The following DNM3 variants were observed in gnomAD, a reference collection of about 807,000 sequenced individuals.
DNM3 encodes the protein dynamin 3, also known as dynamin-3.
A neutral mutation model predicts 101.6 loss-of-function variants in DNM3; 47 were observed. That is an observed-to-expected ratio of 0.46 (90% CI 0.37 to 0.59). The LOEUF (loss-of-function observed/expected upper bound fraction) is 0.59. DNM3 is among the 20% of genes least tolerant of loss of function. The pLI, the probability that DNM3 is intolerant of heterozygous loss-of-function variation, is 0.00. For missense variants in DNM3, 849 were observed against 1,085.7 expected (o/e 0.78, Z 3.06); for synonymous variants, 385 against 387.9 (o/e 0.99, Z 0.09).
chr1:172,189,923 G>A (rs1056352145), intron 14 of DNM3, among the ~76,000 whole-genome samples: 1 of 151,698 alleles, frequency 6.6e-6, no homozygotes, highest in Non-Finnish European at 1.5e-5. Context: ...TCACCAAAAG[G>A]ATAGTGCTAA....
chr1:172,406,570 TG>T (rs1221451991), intron 20 of DNM3, among the ~76,000 whole-genome samples: 1 of 152,066 alleles, frequency 6.6e-6, no homozygotes, highest in African/African-American at 2.4e-5. Context: ...TATGAGTTTG[TG>T]CCTAAATAGT....
chr1:171,854,206 T>C (rs1006018222), intron 1 of DNM3, among the ~76,000 whole-genome samples: 2 of 152,226 alleles, frequency 1.3e-5, no homozygotes, highest in African/African-American at 4.8e-5. Context: ...CCTGACTCCC[T>C]GGGTTCACAT....
At chr1:171,879,142 A>C (rs1169446489) in intron 1 of DNM3, among the ~76,000 whole-genome samples, 1 of 152,216 alleles carries the variant, frequency 6.6e-6, no homozygotes, top group East Asian at 1.9e-4. Context: ...GCTCACACTC[A>C]GTAAAACTAA....
chr1:172,377,705 T>G (rs2068683741), intron 17 of DNM3, among the ~76,000 whole-genome samples: 1 of 151,734 alleles, frequency 6.6e-6, no homozygotes, highest in Non-Finnish European at 1.5e-5. Context: ...CTAAATGCAC[T>G]GGAGCCTCAG....
At chr1:171,906,482 C>A (rs1421741790) in intron 1 of DNM3, among the ~76,000 whole-genome samples, 2 of 151,794 alleles carry the variant, frequency 1.3e-5, no homozygotes, top group African/African-American at 2.4e-5. Flanking sequence ...TTGATTCCTT[C>A]CTTATAATAG....
intron 14 of DNM3, among the ~76,000 whole-genome samples, chr1:172,146,947 A>G (rs982071403): frequency 3.3e-5 from 5 of 152,144 alleles, no homozygotes; most frequent in African/African-American, 7.2e-5. Context: ...CAATATTTCC[A>G]TCAAGTGACT....
At chr1:172,207,770 G>A (rs1242031501) in intron 14 of DNM3, among the ~76,000 whole-genome samples, 1 of 151,992 alleles carries the variant, frequency 6.6e-6, no homozygotes, top group East Asian at 1.9e-4. Context: ...AAACAGTGTT[G>A]AGTTTGTTTT....
chr1:172,027,455 C>T (rs2048287040), intron 4 of DNM3, among the ~76,000 whole-genome samples: 1 of 152,144 alleles, frequency 6.6e-6, no homozygotes, highest in Middle Eastern at 3.4e-3. Context: ...GTGGCATGCG[C>T]ACATAGTCCC....
chr1:172,358,927 G>A (rs980388930), intron 17 of DNM3, among the ~76,000 whole-genome samples: 1 of 151,722 alleles, frequency 6.6e-6, no homozygotes, highest in African/African-American at 2.4e-5. Context: ...CAGAGTAGTC[G>A]GTATGATTTC....
chr1:171,952,403 C>T (rs2042587066), intron 2 of DNM3, among the ~76,000 whole-genome samples: 1 of 152,130 alleles, frequency 6.6e-6, no homozygotes, highest in African/African-American at 2.4e-5. Context: ...TATCTTATTG[C>T]CACAAAGAGT....
intron 17 of DNM3, among the ~76,000 whole-genome samples, chr1:172,358,900 G>GAA (rs5778731): frequency 3.3e-4 from 50 of 151,390 alleles, no homozygotes; most frequent in African/African-American, 1.0e-3. Flanking sequence ...ATGGTGCAAG[G>GAA]AAAAAAAAGC....
chr1:171,851,877 A>G (rs375950833), intron 1 of DNM3, among the ~76,000 whole-genome samples: 1 of 152,264 alleles, frequency 6.6e-6, no homozygotes, highest in Non-Finnish European at 1.5e-5. Context: ...TTGTATATGC[A>G]TACTAGGCTG....
chr1:171,878,353 G>A (rs1254380125), intron 1 of DNM3, among the ~76,000 whole-genome samples: 1 of 150,724 alleles, frequency 6.6e-6, no homozygotes, highest in Non-Finnish European at 1.5e-5. Flanking sequence ...ACAAATTGAA[G>A]AGACAGAAAA....
At chr1:172,296,327 T>G (rs886273368) in intron 15 of DNM3, among the ~76,000 whole-genome samples, 2 of 152,232 alleles carry the variant, frequency 1.3e-5, no homozygotes, top group East Asian at 3.8e-4. Flanking sequence ...GTGTGATTCC[T>G]TCTGGACCCC....
At chr1:172,352,936 G>A (rs544609706) in intron 17 of DNM3, among the ~76,000 whole-genome samples, 77 of 152,136 alleles carry the variant, frequency 5.1e-4, no homozygotes, top group Non-Finnish European at 5.9e-4. Context: ...AACACAATAG[G>A]GATCTGATCA....
intron 20 of DNM3, among the ~76,000 whole-genome samples, chr1:172,401,940 G>C (rs1405837553): frequency 1.3e-5 from 2 of 152,142 alleles, no homozygotes; most frequent in African/African-American, 4.8e-5. Flanking sequence ...TCTTAGAGCA[G>C]ACATTCACAA....
intron 4 of DNM3, among the ~76,000 whole-genome samples, chr1:172,020,653 G>A (rs991132195): frequency 4.0e-5 from 6 of 148,234 alleles, no homozygotes; most frequent in Non-Finnish European, 4.4e-5. Flanking sequence ...GAACCCGGGA[G>A]GTGGAGCTTG....
chr1:171,907,075 T>C (rs955131555), intron 1 of DNM3, among the ~76,000 whole-genome samples: 3 of 152,248 alleles, frequency 2.0e-5, no homozygotes, highest in Non-Finnish European at 1.5e-5. Flanking sequence ...TCTCCACTGC[T>C]GCCATTCTGG....
intron 14 of DNM3, among the ~76,000 whole-genome samples, chr1:172,144,028 C>T (rs937911465): frequency 6.6e-6 from 1 of 151,974 alleles, no homozygotes. Flanking sequence ...ATACATACAG[C>T]CTTCATCCAT....
Sources: allele counts gnomAD v4.1 joint callset (sites outside exome capture counted in the v4.1 genomes callset), GRCh38; gene constraint gnomAD v4.1.1; transcripts MANE v1.5; gene names NCBI Gene and HGNC (gene_info 2026-07-23, HGNC 2026-07-21).